Variants in RNF144A observed in about 807,000 individuals in gnomAD.
The protein encoded by RNF144A is E3 ubiquitin-protein ligase RNF144A.
Under a neutral mutation model 38.7 loss-of-function variants are expected in RNF144A, and 11 were observed. The ratio of observed to expected loss-of-function variants is 0.28; its 90% confidence interval spans 0.18 to 0.47. The LOEUF (loss-of-function observed/expected upper bound fraction) is 0.47. Ranked by LOEUF, RNF144A falls within the 20% of genes least tolerant of loss-of-function variation. RNF144A has a pLI of 0.99. For synonymous variants in RNF144A, 149 were observed against 143.9 expected (o/e 1.04, Z -0.25); for missense variants, 316 against 377.2 (o/e 0.84, Z 1.34).
Position 6,970,964 on chromosome 2 carries a change from A to G in RNF144A, c.-11-25952A>G, listed in dbSNP as rs151311858. Among the ~76,000 whole-genome samples, 1,128 of 152,360 alleles carry G rather than the reference A, an allele frequency of 7.4e-3. 13 individuals carry two copies. Among genetic ancestry groups the G allele is most frequent in the African/African-American group, 0.026 (1,061 of 41,574 alleles). On this transcript the variant is annotated intron_variant, in intron 2 of 8. Coordinates refer to ENST00000320892, the MANE Select transcript of RNF144A (RefSeq NM_014746.6). ...GCAAAACTAAACTTTGAGAATATGA[A>G]TTTTGTGCACTAAAATCACTCGTCT...
intron 2 of RNF144A, among the ~76,000 whole-genome samples, chr2:6,993,635 C>T (rs1018100206): frequency 2.6e-5 from 4 of 152,032 alleles, no homozygotes; most frequent in Non-Finnish European, 1.5e-5. Flanking sequence ...CTGGGTAATG[C>T]GTTCTCGGGT....
intron 6 of RNF144A, among the ~76,000 whole-genome samples, chr2:7,022,093 G>A (rs1325035194): frequency 6.6e-6 from 1 of 152,220 alleles, no homozygotes; most frequent in African/African-American, 2.4e-5. Context: ...CAGCGTAGCA[G>A]AGCCCCAGCT....
At chr2:6,983,855 A>G (rs1668791431) in intron 2 of RNF144A, among the ~76,000 whole-genome samples, 1 of 152,208 alleles carries the variant, frequency 6.6e-6, no homozygotes, top group Non-Finnish European at 1.5e-5. Flanking sequence ...TGCTGCCTAC[A>G]TAGGGCAGAA....
chr2:7,015,186 C>A (rs189225308), intron 5 of RNF144A, among the ~76,000 whole-genome samples: 1 of 152,164 alleles, frequency 6.6e-6, no homozygotes, highest in Non-Finnish European at 1.5e-5. Context: ...ATTACAGTAA[C>A]CCCCGTCCTA....
At chr2:7,037,828 A>G (rs1672779306) in intron 8 of RNF144A, among the ~76,000 whole-genome samples, 1 of 152,186 alleles carries the variant, frequency 6.6e-6, no homozygotes. Context: ...TATTTTATAG[A>G]TGAGAAAACA....
chr2:6,937,373 G>A (rs1665659047), intron 1 of RNF144A, among the ~76,000 whole-genome samples: 2 of 152,186 alleles, frequency 1.3e-5, no homozygotes, highest in African/African-American at 4.8e-5. Context: ...CAGCCCAGGA[G>A]CCACACTGGG....
rs532791939 is a variant in RNF144A, at chr2:7,015,737, C to T, written c.301+965C>T. Among the ~76,000 whole-genome samples the T allele has an allele frequency of 4.3e-4, 66 of 152,284 alleles. 1 individual carries two copies. In the South Asian group the frequency reaches 0.014, roughly 32 times the overall value. ...GAGTGACAGATGTGTGCAGGCGACA[C>T]TCCATATGCAGAACATCATTGTGTG... On this transcript the variant is annotated intron_variant, in intron 5 of 8. Transcript: ENST00000320892.
rs145514850 is a variant in RNF144A, at chr2:7,041,227, C to T, written c.*1467C>T. 250 of 985,478 alleles carry T rather than the reference C, an allele frequency of 2.5e-4. No homozygotes were observed. Among genetic ancestry groups the T allele is most frequent in the Non-Finnish European group, 2.8e-4 (236 of 829,834 alleles). 61.0% of individuals were successfully genotyped at this position (985,478 alleles called of 1,614,324 possible). On this transcript the variant is annotated 3_prime_UTR_variant, in exon 9 of 9. Transcript: ENST00000320892. ...TTTTATCTCAGTTATTTGCCCATCA[C>T]AAGCACATTTTTAAAATGTTGCTTT...
At chr2:7,030,491 A>G (rs558623771) in intron 8 of RNF144A, among the ~76,000 whole-genome samples, 1 of 152,238 alleles carries the variant, frequency 6.6e-6, no homozygotes, top group South Asian at 2.1e-4. Context: ...ATCAGACTTC[A>G]GATCACTTGC....
chr2:6,975,281 TCA>T (rs1290353257), intron 2 of RNF144A, among the ~76,000 whole-genome samples: 1 of 152,102 alleles, frequency 6.6e-6, no homozygotes, highest in African/African-American at 2.4e-5. Flanking sequence ...CCATTCACTA[TCA>T]CAAGAACAGC....
chr2:6,987,085 C>T (rs1205385318), intron 2 of RNF144A, among the ~76,000 whole-genome samples: 2 of 148,092 alleles, frequency 1.4e-5, no homozygotes, highest in Non-Finnish European at 3.0e-5. Context: ...TGTGGGAAAC[C>T]GGCCATGATG....
chr2:6,956,660 G>A (rs1156258250), intron 2 of RNF144A, among the ~76,000 whole-genome samples: 1 of 152,136 alleles, frequency 6.6e-6, no homozygotes, highest in South Asian at 2.1e-4. Flanking sequence ...TTAATCTCAG[G>A]TCTGATGTTG....
chr2:7,040,731 A>C lies in RNF144A; in HGVS notation c.*971A>C. On this transcript the variant is annotated 3_prime_UTR_variant, in exon 9 of 9. Transcript: ENST00000320892. Reference sequence around the variant, plus strand: ...AGCAGCCTCATTGATCCGCAGATGTAGGGGCCTCTTGGCAGAGGCTGGAGG... The same window carrying C: ...AGCAGCCTCATTGATCCGCAGATGTCGGGGCCTCTTGGCAGAGGCTGGAGG... 1 of 985,472 alleles carries C rather than the reference A, an allele frequency of 1.0e-6. No homozygotes were observed. The allele number at this position is 985,472 out of a possible 1,614,324, so 61.0% of individuals were successfully genotyped here.
chr2:6,953,421 C>G (rs1377167374), intron 2 of RNF144A, among the ~76,000 whole-genome samples: 1 of 152,146 alleles, frequency 6.6e-6, no homozygotes, highest in African/African-American at 2.4e-5. Context: ...AAGAGCAAAA[C>G]TGCGTCTCAA....
At chr2:6,927,694 G>A (rs1157128066) in intron 1 of RNF144A, among the ~76,000 whole-genome samples, 1 of 152,226 alleles carries the variant, frequency 6.6e-6, no homozygotes, top group Non-Finnish European at 1.5e-5. Flanking sequence ...TGGGTTTTGG[G>A]TGTGAAAAAC....
chr2:7,035,369 C>T (rs1203718044), intron 8 of RNF144A, among the ~76,000 whole-genome samples: 1 of 152,224 alleles, frequency 6.6e-6, no homozygotes, highest in Non-Finnish European at 1.5e-5. Context: ...TAAAACATCC[C>T]TGTGCACACC....
intron 2 of RNF144A, among the ~76,000 whole-genome samples, chr2:6,967,709 C>T (rs1667756810): frequency 1.3e-5 from 2 of 152,214 alleles, no homozygotes. Context: ...CAACTGTTTC[C>T]TTGGCTCAAG....
chr2:7,014,396 T>G, intron 3 of RNF144A, 58 bp from the exon 4 acceptor site: 1 of 1,153,846 alleles, frequency 8.7e-7, no homozygotes, highest in Non-Finnish European at 1.3e-6. Flanking sequence ...TGCATCATGG[T>G]TTCTTCAGCA....
intron 2 of RNF144A, among the ~76,000 whole-genome samples, chr2:6,953,811 T>C (rs1468198173): frequency 6.6e-6 from 1 of 152,248 alleles, no homozygotes; most frequent in East Asian, 1.9e-4. Flanking sequence ...TAGTTTTGCA[T>C]GTTTGCCATT....
Sources: gnomAD v4.1 joint callset for allele counts (sites outside exome capture counted in the v4.1 genomes callset) on GRCh38, gnomAD v4.1.1 for gene constraint, MANE v1.5 for transcripts, NCBI Gene and HGNC (gene_info 2026-07-23, HGNC 2026-07-21) for gene names.